Variants in SOX6 observed in about 807,000 individuals in gnomAD.
SOX6 encodes the protein transcription factor SOX-6.
A neutral mutation model predicts 97.8 loss-of-function variants in SOX6; 11 were observed. The observed-to-expected ratio is 0.11, with a 90% CI of 0.07 to 0.19. The LOEUF (loss-of-function observed/expected upper bound fraction) is 0.19. Ranked by LOEUF, SOX6 falls within the 10% of genes least tolerant of loss-of-function variation. The pLI, the probability that SOX6 is intolerant of heterozygous loss-of-function variation, is 1.00. For synonymous variants in SOX6, 360 were observed against 371.4 expected, an observed-to-expected ratio of 0.97 and a Z score of 0.35; for missense variants, 810 against 1,039.5, an observed-to-expected ratio of 0.78 and a Z score of 3.04.
intron 4 of SOX6, among the ~76,000 whole-genome samples, chr11:16,522,387 A>G (rs2133162044): frequency 6.6e-6 from 1 of 152,308 alleles, no homozygotes; most frequent in Admixed American, 6.5e-5. Flanking sequence ...ACTAAGCTTC[A>G]TAAGTGAAGG....
chr11:16,390,266 C>G (rs776652914), intron 1 of SOX6, among the ~76,000 whole-genome samples: 1 of 152,074 alleles, frequency 6.6e-6, no homozygotes, highest in Non-Finnish European at 1.5e-5. Context: ...GAAAAAAATG[C>G]TGCTTTTTTT....
intron 3 of SOX6, among the ~76,000 whole-genome samples, chr11:16,269,153 G>A (rs913702919): frequency 1.3e-5 from 2 of 149,750 alleles, no homozygotes; most frequent in Non-Finnish European, 3.0e-5. Context: ...TTTAATATAT[G>A]GCTATACCAT....
intron 1 of SOX6, among the ~76,000 whole-genome samples, chr11:16,421,513 C>A (rs1396552895): frequency 1.3e-5 from 2 of 152,110 alleles, no homozygotes; most frequent in African/African-American, 4.8e-5. Context: ...CCAACTTCAG[C>A]ATTTGGTAAA....
intron 1 of SOX6, among the ~76,000 whole-genome samples, chr11:16,472,242 CTT>C (rs1309696241): frequency 1.3e-5 from 2 of 152,156 alleles, no homozygotes; most frequent in Admixed American, 6.5e-5. Flanking sequence ...ACATTAAAAA[CTT>C]TACTCATCCT....
At chr11:16,413,351 A>G (rs1396772101) in intron 1 of SOX6, among the ~76,000 whole-genome samples, 1 of 152,090 alleles carries the variant, frequency 6.6e-6, no homozygotes, top group Non-Finnish European at 1.5e-5. Context: ...AACTCTTGCA[A>G]AGATTTACAG....
At chr11:16,097,850 C>T (rs1412596014) in intron 7 of SOX6, among the ~76,000 whole-genome samples, 162 bp from the exon 8 acceptor site, 1 of 151,740 alleles carries the variant, frequency 6.6e-6, no homozygotes, top group Non-Finnish European at 1.5e-5. Context: ...TGCAGTGCTG[C>T]CTTGGAACTT....
At chr11:16,513,598 A>T (rs1020785981) in intron 4 of SOX6, among the ~76,000 whole-genome samples, 1 of 152,128 alleles carries the variant, frequency 6.6e-6, no homozygotes, top group Non-Finnish European at 1.5e-5. Flanking sequence ...GTGCCACTGC[A>T]CTCCAGCCTG....
rs80044183 is a variant in SOX6, at chr11:16,333,181, T to C, written c.237+7831A>G. 2.0e-3 allele frequency among the ~76,000 whole-genome samples: 297 copies of C among 152,298 alleles called. 2 individuals are homozygous for C. Among genetic ancestry groups the C allele is most frequent in the African/African-American group, 6.9e-3 (287 of 41,576 alleles). ...GTCTCAAGGTGTGCAGACACAATCC[T>C]GGGTTCCTCCTCCCAAAGTAATATG... On this transcript the variant is annotated intron_variant, in intron 2 of 15. Coordinates refer to ENST00000683767, the MANE Select transcript of SOX6 (RefSeq NM_001367873.1).
intron 9 of SOX6, among the ~76,000 whole-genome samples, chr11:16,079,086 C>T (rs1323182518): frequency 6.6e-6 from 1 of 152,134 alleles, no homozygotes; most frequent in African/African-American, 2.4e-5. Context: ...AATCCCTCAG[C>T]AATACCCACA....
At chr11:16,535,178 T>C (rs776900145) in intron 4 of SOX6, among the ~76,000 whole-genome samples, 18 of 152,166 alleles carry the variant, frequency 1.2e-4, no homozygotes, top group Non-Finnish European at 2.2e-4. Context: ...CTAAAGAAGA[T>C]TGTGCAAGCT....
At chr11:16,551,767 C>A (rs1589982294) in intron 4 of SOX6, among the ~76,000 whole-genome samples, 1 of 152,124 alleles carries the variant, frequency 6.6e-6, no homozygotes, top group East Asian at 1.9e-4. Flanking sequence ...CCATGCCCAG[C>A]TAATTTTTGT....
chr11:16,331,480 C>T (rs921986100), intron 2 of SOX6, among the ~76,000 whole-genome samples: 1 of 152,162 alleles, frequency 6.6e-6, no homozygotes, highest in Non-Finnish European at 1.5e-5. Context: ...AGATCTTGTC[C>T]AGTAAAGCTC....
chr11:16,468,231 T>G (rs1860078089), intron 1 of SOX6, among the ~76,000 whole-genome samples: 1 of 152,286 alleles, frequency 6.6e-6, no homozygotes, highest in Admixed American at 6.5e-5. Context: ...TTAACTACAG[T>G]ACTATAAAAA....
Position 16,405,390 on chromosome 11 carries a change from C to T in SOX6, c.-4-64138G>A, listed in dbSNP as rs938841511. ...ACACTGCTGTGCACAATAATAAGGA[C>T]CTTTCCAAGTAATATGATGAATTAA... On this transcript the variant is annotated intron_variant, in intron 1 of 15. Coordinates refer to the SOX6 transcript ENST00000396356. 5.3e-5 allele frequency among the ~76,000 whole-genome samples: 8 copies of T among 152,054 alleles called. No homozygotes were observed. The East Asian group carries it at 1.6e-3, about 29-fold the overall frequency.
At chr11:16,148,372 C>T (rs189361636) in intron 6 of SOX6, among the ~76,000 whole-genome samples, 1 of 152,146 alleles carries the variant, frequency 6.6e-6, no homozygotes, top group African/African-American at 2.4e-5. Flanking sequence ...AGACCCTGCT[C>T]TGTTGTCTGG....
At chr11:16,048,920 G>A (rs987385592) in intron 11 of SOX6, among the ~76,000 whole-genome samples, 2 of 151,988 alleles carry the variant, frequency 1.3e-5, no homozygotes, top group African/African-American at 2.4e-5. Flanking sequence ...ACTGACAACT[G>A]CTTTCACATT....
At chr11:16,074,658 G>A (rs1848307873) in intron 9 of SOX6, among the ~76,000 whole-genome samples, 2 of 152,098 alleles carry the variant, frequency 1.3e-5, no homozygotes, top group African/African-American at 4.8e-5. Flanking sequence ...TAACCAGGGA[G>A]GGGGAAGATC....
chr11:16,282,302 G>A (rs1854588954), intron 3 of SOX6, among the ~76,000 whole-genome samples: 2 of 151,194 alleles, frequency 1.3e-5, no homozygotes, highest in Admixed American at 1.3e-4. Flanking sequence ...AAAGGATAAT[G>A]AAACCATGCC....
In SOX6 at chr11:16,402,954, G is replaced by A. The variant is rs546329464; in HGVS notation, c.-4-61702C>T. The A allele has an allele frequency of 8.6e-6, 8 of 929,780 alleles. No individual in the cohort carries two copies. In the South Asian group the frequency reaches 1.0e-4, roughly 12 times the overall value. 57.6% of individuals were successfully genotyped at this position (929,780 alleles called of 1,614,324 possible). A position where few individuals can be genotyped will look rare whatever the true frequency, so the allele number is the denominator to read the frequency against. ...ACAAAACCAATTTTTACACCAAGGT[G>A]GGGGAGAAACACAAGTCCATTGTTC... On this transcript the variant is annotated intron_variant, in intron 1 of 15. Transcript: ENST00000396356.
Sources: gnomAD v4.1 joint callset for allele counts (sites outside exome capture counted in the v4.1 genomes callset) on GRCh38, gnomAD v4.1.1 for gene constraint, MANE v1.5 for transcripts, NCBI Gene and HGNC (gene_info 2026-07-23, HGNC 2026-07-21) for gene names.